LIPG: variants seen among roughly 807,000 people sequenced by gnomAD.
The protein encoded by LIPG is endothelial lipase.
A neutral mutation model predicts 51.8 loss-of-function variants in LIPG; 34 were observed. The ratio of observed to expected loss-of-function variants is 0.66; its 90% CI spans 0.50 to 0.87. LIPG has a LOEUF of 0.87. Among genes scored for constraint, LIPG ranks in the 40% least tolerant of loss-of-function variants. The probability of loss-of-function intolerance (pLI) is 0.00; values close to 1 mark genes in which losing one functional copy is unlikely to be tolerated. For synonymous variants in LIPG, 246 were observed against 246.1 expected, an observed-to-expected ratio of 1.00 and a Z score of 0.00; for missense variants, 580 against 652.7, an observed-to-expected ratio of 0.89 and a Z score of 1.21.
At chr18:49,587,160 G>A (rs2084890227) in intron 9 of LIPG, among the ~76,000 whole-genome samples, 3 of 151,314 alleles carry the variant, frequency 2.0e-5, no homozygotes, top group Admixed American at 2.0e-4. Flanking sequence ...TGTAATCCCA[G>A]CTACTTGGGA....
In LIPG at chr18:49,592,429, A is replaced by G. The variant is rs1049987954; in HGVS notation, c.*1907A>G. 2 of 152,236 alleles carry G rather than the reference A, an allele frequency of 1.3e-5. No individual in the cohort carries two copies. The highest frequency in any genetic ancestry group is 2.9e-5 in the Non-Finnish European group (2 of 68,040). The allele number at this position is 152,236 out of a possible 1,614,324, so 9.4% of individuals were successfully genotyped here. A position where few individuals can be genotyped will look rare whatever the true frequency, so the allele number is the denominator to read the frequency against. ...GGAATAGGACCCGAGCCTAAACACA[A>G]AATTCATTGATGTGTCAGTTACACC... On this transcript the variant is annotated 3_prime_UTR_variant, in exon 10 of 10. Transcript: ENST00000261292.
Position 49,590,962 on chromosome 18 carries a change from A to C in LIPG, c.*440A>C. ...TGAGAAGTCCTTCCGACAGGAGCTG[A>C]CTCATGTCAGGATGGCAGGCCTGGT... On this transcript the variant is annotated 3_prime_UTR_variant, in exon 10 of 10. Coordinates refer to ENST00000261292, the MANE Select transcript of LIPG (RefSeq NM_006033.4). The C allele has an allele frequency of 3.6e-6, 1 of 277,508 alleles. No homozygotes were observed. The highest frequency in any genetic ancestry group is 7.1e-6 in the Non-Finnish European group (1 of 141,008). 17.2% of individuals were successfully genotyped at this position (277,508 alleles called of 1,614,324 possible). A position where few individuals can be genotyped will look rare whatever the true frequency, so the allele number is the denominator to read the frequency against.
At chr18:49,577,672 C>T (rs1458878936) in intron 5 of LIPG, among the ~76,000 whole-genome samples, 379 of 102,604 alleles carry the variant, frequency 3.7e-3, no homozygotes, top group Non-Finnish European at 5.3e-3. Flanking sequence ...CCCTCCCGGA[C>T]GGCACGGCTG....
intron 4 of LIPG, 49 bp downstream of exon 4, chr18:49,569,597 G>A (rs779900141): frequency 7.7e-6 from 11 of 1,423,812 alleles, no homozygotes; most frequent in Admixed American, 1.8e-5. Context: ...GCGCTAAGCC[G>A]GAATGCTCCC....
In LIPG at chr18:49,582,439, C is replaced by T. The variant is rs1369434868; in HGVS notation, c.1114C>T (p.Leu372Phe). The T allele has an allele frequency of 1.2e-6, 2 of 1,614,196 alleles. No individual in the cohort carries two copies. Among genetic ancestry groups the T allele is most frequent in the South Asian group, 1.1e-5 (1 of 91,086 alleles). ...GEIEPTFYVT[L>F]YGTNADSQTL... ...AATTGAGCCCACCTTTTACGTCACC[C>T]TTTATGGCACTAATGCAGATTCCCA... is the stretch of plus-strand genomic sequence containing the variant. Residue 372 changes from leucine (L) to phenylalanine (F), a missense_variant, in exon 7 of 10, where the codon CTT (leucine) becomes TTT (phenylalanine). Coordinates refer to ENST00000261292, the MANE Select transcript of LIPG (RefSeq NM_006033.4).
intron 8 of LIPG, among the ~76,000 whole-genome samples, chr18:49,585,830 G>A (rs1208204377): frequency 6.6e-6 from 1 of 152,150 alleles, no homozygotes; most frequent in Non-Finnish European, 1.5e-5. Context: ...GGTCTGGTGG[G>A]ACATTCTTGT....
At chr18:49,585,419 A>T (rs1191425596) in intron 8 of LIPG, among the ~76,000 whole-genome samples, 1 of 152,194 alleles carries the variant, frequency 6.6e-6, no homozygotes, top group Non-Finnish European at 1.5e-5. Flanking sequence ...GATGCTTCTG[A>T]ATTTTACATG....
chr18:49,573,676 T>C (rs1371696425), intron 4 of LIPG, among the ~76,000 whole-genome samples: 1 of 152,224 alleles, frequency 6.6e-6, no homozygotes, highest in African/African-American at 2.4e-5. Flanking sequence ...GTTCTGCAAG[T>C]TGACCGTCCA....
chr18:49,566,490 G>C (rs1269287499), intron 2 of LIPG, among the ~76,000 whole-genome samples: 1 of 152,148 alleles, frequency 6.6e-6, no homozygotes, highest in Non-Finnish European at 1.5e-5. Context: ...ATGGTGTTTG[G>C]GTTCCCAGGC....
At chr18:49,587,568 C>CAAAAAAAAAAAAAAAAAAAAA (rs34734805) in intron 9 of LIPG, among the ~76,000 whole-genome samples, 1 of 42,308 alleles carries the variant, frequency 2.4e-5, no homozygotes, top group African/African-American at 7.9e-5. Flanking sequence ...GACTCCGTCT[C>CAAAAAAAAAAAAAAAAAAAAA]AAAAAAAAAA....
At chr18:49,569,370 A>C in intron 3 of LIPG, 67 bp from the exon 4 acceptor site, 1 of 1,318,344 alleles carries the variant, frequency 7.6e-7, no homozygotes, top group Non-Finnish European at 1.1e-6. Context: ...GAGTTGTTGA[A>C]CTGCTGGTGA....
chr18:49,565,594 C>A, intron 2 of LIPG, 96 bp downstream of exon 2: 4 of 1,345,370 alleles, frequency 3.0e-6, no homozygotes, highest in South Asian at 1.2e-5. Context: ...AGATTCCAAA[C>A]CCTCTTCCCC....
chr18:49,575,321 C>G, intron 4 of LIPG, 48 bp from the exon 5 acceptor site: 14 of 1,498,220 alleles, frequency 9.3e-6, no homozygotes, highest in Non-Finnish European at 1.3e-5. Flanking sequence ...ACTCACTGAC[C>G]AGGTGCACCT....
chr18:49,569,828 C>A (rs760894575), intron 4 of LIPG, among the ~76,000 whole-genome samples: 1 of 151,952 alleles, frequency 6.6e-6, no homozygotes, highest in Non-Finnish European at 1.5e-5. Context: ...CCAGTGTGGG[C>A]GTTCCCCTTC....
chr18:49,583,447 T>C (rs1446726645), intron 7 of LIPG, 109 bp from the exon 8 acceptor site: 4 of 869,942 alleles, frequency 4.6e-6, no homozygotes, highest in Non-Finnish European at 7.7e-6. Flanking sequence ...GCACTCACAC[T>C]GTCTCTCTCC....
Position 49,586,838 on chromosome 18 carries a change from A to C in LIPG, c.1469A>C (p.Lys490Thr). 6.2e-7 allele frequency: 1 copy of C among 1,613,796 alleles called. No homozygotes were observed. The highest frequency in any genetic ancestry group is 8.5e-7 in the Non-Finnish European group (1 of 1,179,682). The change falls in exon 9 of 10, where the codon AAA becomes ACA. Residue 490 changes from lysine to threonine, a missense_variant. Lys to Thr is a moderately conservative substitution (Grantham distance 78). Coordinates refer to ENST00000261292, the MANE Select transcript of LIPG (RefSeq NM_006033.4). Reference protein sequence around the residue: ...FRKCRDGWRMKNETSPTVELP With the variant: ...FRKCRDGWRMTNETSPTVELP ...AAGTGTCGGGATGGCTGGAGGATGA[A>C]AAACGAAACCAGGTAACCAGGACTT...
intron 2 of LIPG, 108 bp downstream of exon 2, chr18:49,565,606 C>A (rs1945743455): frequency 2.3e-5 from 30 of 1,281,956 alleles, no homozygotes; most frequent in Non-Finnish European, 3.3e-5. Context: ...CTCTTCCCCC[C>A]TTTCCTTGTG....
rs1218862102 is a variant in LIPG, at chr18:49,592,386, A to G, written c.*1864A>G. ...TTCAGATTTTGGAATGTTTGCATAT[A>G]CATAATGAGATATTTTGGGAATAGG... On this transcript the variant is annotated 3_prime_UTR_variant, in exon 10 of 10. Coordinates refer to ENST00000261292, the MANE Select transcript of LIPG (RefSeq NM_006033.4). The G allele has an allele frequency of 3.3e-5, 5 of 152,212 alleles. No homozygotes were observed. The highest frequency in any genetic ancestry group is 1.2e-4 in the African/African-American group (5 of 41,442). 9.4% of individuals were successfully genotyped at this position (152,212 alleles called of 1,614,324 possible).
chr18:49,582,116 C>T (rs148428746), intron 6 of LIPG, among the ~76,000 whole-genome samples: 1 of 152,264 alleles, frequency 6.6e-6, no homozygotes, highest in East Asian at 1.9e-4. Context: ...AATCCAGGGG[C>T]ACGTAGTTAG....
Sources: allele counts gnomAD v4.1 joint callset (sites outside exome capture counted in the v4.1 genomes callset), GRCh38; gene constraint gnomAD v4.1.1; transcripts MANE v1.5; gene names NCBI Gene and HGNC (gene_info 2026-07-23, HGNC 2026-07-21).